RRM1: variants seen among roughly 807,000 people sequenced by gnomAD.
RRM1 encodes ribonucleotide reductase catalytic subunit M1.
A neutral mutation model predicts 101.5 loss-of-function variants in RRM1; 19 were observed. That is an observed-to-expected ratio of 0.19 (90% CI 0.13 to 0.27). The LOEUF is 0.27. RRM1 is among the 10% of genes least tolerant of loss of function. The pLI is 1.00. For synonymous variants in RRM1, 298 were observed against 323.4 expected, an observed-to-expected ratio of 0.92 and a Z score of 0.84; for missense variants, 500 against 962.9, an observed-to-expected ratio of 0.52 and a Z score of 6.36.
chr11:4,100,673 T>A (rs1230967694), intron 1 of RRM1, among the ~76,000 whole-genome samples: 1 of 152,220 alleles, frequency 6.6e-6, no homozygotes, highest in Non-Finnish European at 1.5e-5. Context: ...CTGTGATTTT[T>A]TTTTCCCCCA....
At chr11:4,096,751 C>T (rs1294508034) in intron 1 of RRM1, among the ~76,000 whole-genome samples, 2 of 152,096 alleles carry the variant, frequency 1.3e-5, no homozygotes, top group African/African-American at 2.4e-5. Flanking sequence ...ATTCTTCCCA[C>T]TTCAGCCTCC....
At chr11:4,130,804 C>G (rs1473022670) in intron 15 of RRM1, among the ~76,000 whole-genome samples, 1 of 152,070 alleles carries the variant, frequency 6.6e-6, no homozygotes, top group Non-Finnish European at 1.5e-5. Flanking sequence ...ATAGACAATT[C>G]CATAGTTTGA....
At position 4,111,953 on chromosome 11, in the gene RRM1, G is replaced by C. The variant is rs1216231571; in HGVS notation, c.541G>C (p.Glu181Gln). ...LMRVSVGIHK[E>Q]DIDAAIETYN... Reference sequence around the variant, plus strand: ...GAGAGTATCTGTTGGGATCCACAAAGAAGACATTGATGCAGCAATTGAAAC... The same window carrying C: ...GAGAGTATCTGTTGGGATCCACAAACAAGACATTGATGCAGCAATTGAAAC... Residue 181 changes from glutamate to glutamine, a missense_variant, in exon 7 of 19, where the codon GAA (glutamate) becomes CAA (glutamine). Coordinates refer to ENST00000300738, the MANE Select transcript of RRM1 (RefSeq NM_001033.5). 6.2e-7 allele frequency: 1 copy of C among 1,613,950 alleles called. No individual in the cohort carries two copies. Among genetic ancestry groups the C allele is most frequent in the African/African-American group, 1.3e-5 (1 of 74,916 alleles).
At position 4,135,156 on chromosome 11, in the gene RRM1, C is replaced by T. The variant is rs138282325; in HGVS notation, c.2076C>T (p.Leu692=). The T allele has an allele frequency of 1.1e-4, 174 of 1,613,754 alleles. No homozygotes were observed. The African/African-American group carries it at 2.2e-3, about 21-fold the overall frequency. Reference sequence around the variant, plus strand: ...GGGAAATCTCTCAGAAAACTGTTCTCAAGATGGCAGCTGAGAGAGGTGCTT... The same window carrying T: ...GGGAAATCTCTCAGAAAACTGTTCTTAAGATGGCAGCTGAGAGAGGTGCTT... ...TVWEISQKTV[L]KMAAERGAFI... The change falls in exon 18 of 19, where the codon CTC becomes CTT. Residue 692 remains leucine (L), a synonymous_variant. Coordinates refer to ENST00000300738, the MANE Select transcript of RRM1 (RefSeq NM_001033.5).
chr11:4,118,591 T>G, intron 8 of RRM1, 130 bp downstream of exon 8: 1 of 790,858 alleles, frequency 1.3e-6, no homozygotes, highest in South Asian at 2.1e-5. Flanking sequence ...GCTATGTGAC[T>G]TGGAGTGAGT....
At chr11:4,102,591 G>T (rs1191568047) in intron 2 of RRM1, among the ~76,000 whole-genome samples, 13 of 151,268 alleles carry the variant, frequency 8.6e-5, no homozygotes, top group Non-Finnish European at 1.8e-4. Flanking sequence ...GGCAGAGGTT[G>T]CAGTGAGCCG....
rs553950722 is a variant in RRM1, at chr11:4,097,615, G to A, written c.19+2584G>A. Reference sequence around the variant, plus strand: ...AGTTTTTGTTAATTTTCTTTGAGATGGGGTCTTGCTCTGTCATCCAGGCTG... The same window carrying A: ...AGTTTTTGTTAATTTTCTTTGAGATAGGGTCTTGCTCTGTCATCCAGGCTG... On this transcript the variant is annotated intron_variant, in intron 1 of 18. Coordinates refer to ENST00000300738, the MANE Select transcript of RRM1 (RefSeq NM_001033.5). 5.3e-4 allele frequency among the ~76,000 whole-genome samples: 80 copies of A among 152,158 alleles called. 1 individual carries two copies. Among genetic ancestry groups the A allele is most frequent in the African/African-American group, 1.9e-3 (77 of 41,528 alleles).
intron 18 of RRM1, 101 bp from the exon 19 acceptor site, chr11:4,138,079 CCCCCACCTCCCTCCT>C: frequency 4.4e-6 from 1 of 228,862 alleles, no homozygotes; most frequent in Non-Finnish European, 8.4e-6. Flanking sequence ...GGGGCTGACC[CCCCCACCTCCCTCCT>C]GGACGGGGCG....
chr11:4,099,469 G>A (rs2094547864), intron 1 of RRM1: 1 of 151,916 alleles, frequency 6.6e-6, no homozygotes, highest in Non-Finnish European at 1.5e-5. Flanking sequence ...AGAGGAAAAG[G>A]TCAGTGTGAG....
chr11:4,138,518 A>G lies in RRM1; in HGVS notation c.*135A>G, dbSNP rs968939811. On this transcript the variant is annotated 3_prime_UTR_variant, in exon 19 of 19. Coordinates refer to ENST00000300738, the MANE Select transcript of RRM1 (RefSeq NM_001033.5). ...CAGGCAAAAGGAGTAATTGATTTAA[A>G]GTACTGTTAATGATGATAATGATTT... 1 of 471,050 alleles carries G rather than the reference A, an allele frequency of 2.1e-6. No homozygotes were observed. Among genetic ancestry groups the G allele is most frequent in the Admixed American group, 4.6e-5 (1 of 21,920 alleles). 29.2% of individuals were successfully genotyped at this position (471,050 alleles called of 1,614,324 possible).
chr11:4,133,695 G>GAGTT, intron 17 of RRM1, 37 bp downstream of exon 17: 2 of 1,216,820 alleles, frequency 1.6e-6, no homozygotes, highest in African/African-American at 1.5e-5. Flanking sequence ...TGCAGGGGCT[G>GAGTT]AGTTGGACAT....
chr11:4,129,008 GT>G (rs5789321), intron 14 of RRM1, 65 bp from the exon 15 acceptor site: 40,210 of 653,746 alleles, frequency 0.062, no homozygotes, highest in East Asian at 0.077. Context: ...TCATTTGTGG[GT>G]TTTTTTTTTT....
intron 3 of RRM1, among the ~76,000 whole-genome samples, chr11:4,106,491 T>C (rs1179887679): frequency 1.3e-5 from 2 of 152,148 alleles, no homozygotes; most frequent in Non-Finnish European, 2.9e-5. Context: ...CTCACGCCTG[T>C]AATCCCAGTG....
At chr11:4,138,067 C>G (rs867373498) in intron 18 of RRM1, 128 bp from the exon 19 acceptor site, 1 of 28,256 alleles carries the variant, frequency 3.5e-5, no homozygotes, top group Non-Finnish European at 7.5e-5. Flanking sequence ...GCTGGCCGGG[C>G]GGGGGCTGAC....
At chr11:4,118,242 T>A in intron 7 of RRM1, 78 bp from the exon 8 acceptor site, 1 of 1,281,352 alleles carries the variant, frequency 7.8e-7, no homozygotes, top group Non-Finnish European at 1.1e-6. Flanking sequence ...TTTGCCTTAG[T>A]GTCTTTGTGT....
intron 18 of RRM1, 37 bp from the exon 19 acceptor site, chr11:4,138,156 CAG>C (rs2094617397): frequency 2.5e-6 from 3 of 1,209,266 alleles, no homozygotes; most frequent in East Asian, 2.4e-5. Context: ...AGTATTCTCA[CAG>C]AGTTTCTCCT....
At chr11:4,102,177 G>T in intron 2 of RRM1, 96 bp downstream of exon 2, 1 of 705,086 alleles carries the variant, frequency 1.4e-6, no homozygotes, top group East Asian at 2.6e-5. Context: ...GATATACTTT[G>T]GTATTCTGGC....
chr11:4,119,734 C>T lies in RRM1; in HGVS notation c.793-111C>T, dbSNP rs2133306345. ...TAGAGATGGAGAGCAGGTAAAACTT[C>T]ATAGATTGCTACCTAGAAATTAGGC... On this transcript the variant is annotated intron_variant, in intron 8 of 18. Coordinates refer to ENST00000300738, the MANE Select transcript of RRM1 (RefSeq NM_001033.5). The T allele has an allele frequency of 4.2e-6, 3 of 720,688 alleles. No homozygotes were observed. In the East Asian group the frequency reaches 7.5e-5, roughly 18 times the overall value. The allele number at this position is 720,688 out of a possible 1,614,324, so 44.6% of individuals were successfully genotyped here.
intron 18 of RRM1, chr11:4,137,264 C>T (rs1035850502): frequency 6.5e-5 from 16 of 244,620 alleles, no homozygotes; most frequent in Middle Eastern, 1.5e-3. Flanking sequence ...CATCTTGGCC[C>T]GTTCTCAATG....
Sources: gnomAD v4.1 joint callset for allele counts (sites outside exome capture counted in the v4.1 genomes callset) on GRCh38, gnomAD v4.1.1 for gene constraint, MANE v1.5 for transcripts, NCBI Gene and HGNC (gene_info 2026-07-23, HGNC 2026-07-21) for gene names.